The following PITPNC1 variants were observed in gnomAD, a reference collection of about 807,000 sequenced individuals.
PITPNC1 encodes cytoplasmic phosphatidylinositol transfer protein 1.
PITPNC1 carries 18 observed loss-of-function variants against 44.7 expected under a neutral mutation model. The observed-to-expected ratio is 0.40, with a 90% CI of 0.28 to 0.60. The LOEUF (loss-of-function observed/expected upper bound fraction) is 0.60, where lower values mean the gene tolerates loss of function less well. Among genes scored for constraint, PITPNC1 ranks in the 20% least tolerant of loss-of-function variants. The pLI is 0.39. For missense variants in PITPNC1, 290 were observed against 418.4 expected, an observed-to-expected ratio of 0.69 and a Z score of 2.68; for synonymous variants, 141 against 149.6, an observed-to-expected ratio of 0.94 and a Z score of 0.42.
intron 6 of PITPNC1, among the ~76,000 whole-genome samples, chr17:67,642,731 T>C (rs1330056949): frequency 4.6e-5 from 7 of 152,190 alleles, no homozygotes; most frequent in African/African-American, 1.7e-4. Flanking sequence ...ACTGCTGTTC[T>C]CTTGGCCTAA....
intron 1 of PITPNC1, among the ~76,000 whole-genome samples, chr17:67,437,984 C>T (rs2038959981): frequency 6.6e-6 from 1 of 151,792 alleles, no homozygotes; most frequent in Non-Finnish European, 1.5e-5. Context: ...CAGAGAATTG[C>T]CTGAACCTGG....
intron 2 of PITPNC1, among the ~76,000 whole-genome samples, chr17:67,548,330 C>T (rs187988275): frequency 6.6e-6 from 1 of 152,302 alleles, no homozygotes; most frequent in East Asian, 1.9e-4. Context: ...GTAGCTCATG[C>T]CTGTAATCCC....
rs1314389213 is a variant in PITPNC1 at position 67,694,467 on chromosome 17, C to G, written c.*1579C>G. 6.6e-6 allele frequency: 1 copy of G among 152,466 alleles called. No homozygotes were observed. The highest frequency in any genetic ancestry group is 1.5e-5 in the Non-Finnish European group (1 of 68,274). 9.4% of individuals were successfully genotyped at this position (152,466 alleles called of 1,614,324 possible). On this transcript the variant is annotated 3_prime_UTR_variant, in exon 9 of 9. Coordinates refer to ENST00000581322, the MANE Select transcript of PITPNC1 (RefSeq NM_012417.4). ...CTGCCAGTGGACCCTGCCTGCTTCC[C>G]TCTCAGTGCTCAGCACTCTGTGTAG...
In PITPNC1 at chr17:67,676,063, C is replaced by G. The variant is rs866489928; in HGVS notation, c.682+521C>G. Among the ~76,000 whole-genome samples, 1 of 152,012 alleles carries G rather than the reference C, an allele frequency of 6.6e-6. No homozygotes were observed. The highest frequency in any genetic ancestry group is 1.9e-4 in the East Asian group (1 of 5,176). The stretch of plus-strand genomic sequence containing the variant: ...CTACTAAATAATACAAAAAATTAGC[C>G]GGGCATGGTGGCAGGCACCTGTAGT... On this transcript the variant is annotated intron_variant, in intron 8 of 8. Transcript: ENST00000581322. This position sits in a 1 kb window ranked among gnomAD's most constrained non-coding sequence, Gnocchi z 4.0.
At chr17:67,614,671 C>CAA (rs11460739) in intron 5 of PITPNC1, among the ~76,000 whole-genome samples, 3 of 92,560 alleles carry the variant, frequency 3.2e-5, no homozygotes, top group Admixed American at 1.2e-4. Flanking sequence ...GACTCCGTCT[C>CAA]AAAAAAAAAA....
At chr17:67,656,654 G>A (rs1032954510) in intron 6 of PITPNC1, among the ~76,000 whole-genome samples, 8 of 152,062 alleles carry the variant, frequency 5.3e-5, no homozygotes, top group African/African-American at 1.2e-4. Context: ...ACGTAATCTC[G>A]GTCACACTAA....
chr17:67,580,347 AT>A (rs1048903401), intron 5 of PITPNC1, among the ~76,000 whole-genome samples: 8 of 150,608 alleles, frequency 5.3e-5, no homozygotes, highest in South Asian at 2.1e-4. Flanking sequence ...ATATGGGGGA[AT>A]TTTTTTTTTC....
chr17:67,475,799 T>G, intron 1 of PITPNC1, among the ~76,000 whole-genome samples: 1 of 152,140 alleles, frequency 6.6e-6, no homozygotes, highest in Non-Finnish European at 1.5e-5. Context: ...AATCCATAGT[T>G]GAAACAATTT....
At chr17:67,573,556 CTTTTTTTTTTTTTT>C (rs35434515) in intron 4 of PITPNC1, among the ~76,000 whole-genome samples, 1 of 84,052 alleles carries the variant, frequency 1.2e-5, no homozygotes, top group African/African-American at 5.2e-5. Flanking sequence ...ACTGAATACT[CTTTTTTTTTTTTTT>C]TTTTTTTTTT....
chr17:67,462,178 TAC>T (rs2039347065), intron 1 of PITPNC1, among the ~76,000 whole-genome samples: 1 of 148,462 alleles, frequency 6.7e-6, no homozygotes, highest in Non-Finnish European at 1.5e-5. Flanking sequence ...TGAACTTGCC[TAC>T]ACCTTTTTTT....
chr17:67,403,208 C>A (rs2038346467), intron 1 of PITPNC1, among the ~76,000 whole-genome samples: 1 of 79,784 alleles, frequency 1.3e-5, no homozygotes. Context: ...CACAGTGGAC[C>A]TCATCTCTAC....
chr17:67,513,353 G>GTATCTA (rs66547837), intron 1 of PITPNC1, among the ~76,000 whole-genome samples: 5,156 of 139,180 alleles, frequency 0.037, 172 homozygotes, highest in African/African-American at 0.084. Context: ...GGAAGAGTCT[G>GTATCTA]TATCTATATC....
chr17:67,386,382 G>A (rs933575563), intron 1 of PITPNC1, among the ~76,000 whole-genome samples: 1 of 152,028 alleles, frequency 6.6e-6, no homozygotes, highest in Non-Finnish European at 1.5e-5. Flanking sequence ...TAGTAGAGTC[G>A]GGGTTTCACC....
intron 1 of PITPNC1, among the ~76,000 whole-genome samples, chr17:67,448,913 C>T (rs2039138222): frequency 6.6e-6 from 1 of 152,160 alleles, no homozygotes; most frequent in African/African-American, 2.4e-5. Context: ...ATAACAGTTG[C>T]ATGCAACCAT....
intron 1 of PITPNC1, among the ~76,000 whole-genome samples, chr17:67,409,118 C>T (rs1281561572): frequency 1.5e-5 from 2 of 130,412 alleles, no homozygotes; most frequent in Admixed American, 9.3e-5. Context: ...CGCTCTGTCG[C>T]CCAGGCCGGA....
intron 5 of PITPNC1, among the ~76,000 whole-genome samples, chr17:67,620,303 C>T (rs1237540114): frequency 6.6e-6 from 1 of 152,206 alleles, no homozygotes; most frequent in Non-Finnish European, 1.5e-5. Context: ...ATCCTCCTGC[C>T]TCTGCCTCCC....
intron 5 of PITPNC1, among the ~76,000 whole-genome samples, chr17:67,631,053 G>GTTGTTATTA (rs886876286): frequency 7.4e-4 from 94 of 127,756 alleles, no homozygotes; most frequent in Middle Eastern, 3.8e-3. Context: ...TGTTGTTGTT[G>GTTGTTATTA]TTATTATTAT....
intron 1 of PITPNC1, among the ~76,000 whole-genome samples, chr17:67,418,925 C>G (rs757245438): frequency 6.6e-6 from 1 of 152,010 alleles, no homozygotes; most frequent in Non-Finnish European, 1.5e-5. Flanking sequence ...ATGCGCTTGA[C>G]CAGAGAAAAT....
At chr17:67,454,473 A>C (rs1254364376) in intron 1 of PITPNC1, among the ~76,000 whole-genome samples, 1 of 152,098 alleles carries the variant, frequency 6.6e-6, no homozygotes, top group African/African-American at 2.4e-5. Context: ...TATACTTTTT[A>C]TTCTTCTTTT....
Sources: gnomAD v4.1 joint callset for allele counts (sites outside exome capture counted in the v4.1 genomes callset) on GRCh38, gnomAD v4.1.1 for gene constraint, Gnocchi (gnomAD v3.1) non-coding constraint, MANE v1.5 for transcripts, NCBI Gene and HGNC (gene_info 2026-07-23, HGNC 2026-07-21) for gene names.